Variants in EYS observed in about 807,000 individuals in gnomAD.
EYS encodes EGF-like photoreceptor maintenance factor.
A neutral mutation model predicts 282.1 loss-of-function variants in EYS; 250 were observed. The observed-to-expected ratio is 0.89, with a 90% CI of 0.80 to 0.98. The LOEUF is 0.98. Ranked by LOEUF, EYS falls within the 50% of genes least tolerant of loss-of-function variation. The pLI, the probability that EYS is intolerant of heterozygous loss-of-function variation, is 0.00. For synonymous variants in EYS, 1,355 were observed against 1,282.9 expected, an observed-to-expected ratio of 1.06 and a Z score of -1.20; for missense variants, 4,016 against 3,709.0, an observed-to-expected ratio of 1.08 and a Z score of -2.15.
At chr6:64,207,252 C>T (rs1271815423) in intron 31 of EYS, among the ~76,000 whole-genome samples, 1 of 151,800 alleles carries the variant, frequency 6.6e-6, no homozygotes, top group East Asian at 1.9e-4. Flanking sequence ...CTCCCAAGTT[C>T]GGTCCCCATT....
At chr6:64,552,049 C>T (rs974912527) in intron 26 of EYS, among the ~76,000 whole-genome samples, 9 of 152,110 alleles carry the variant, frequency 5.9e-5, no homozygotes, top group African/African-American at 2.2e-4. Flanking sequence ...AGATTACAGG[C>T]ATGAGCCACT....
At chr6:64,607,447 C>A (rs890996957) in intron 24 of EYS, among the ~76,000 whole-genome samples, 1 of 152,054 alleles carries the variant, frequency 6.6e-6, no homozygotes, top group African/African-American at 2.4e-5. Context: ...TTAGTGTCGG[C>A]TTTCTCACAG....
At chr6:64,393,469 G>T (rs1308101975) in intron 28 of EYS, among the ~76,000 whole-genome samples, 2 of 152,146 alleles carry the variant, frequency 1.3e-5, no homozygotes, top group Non-Finnish European at 2.9e-5. Context: ...ATGCAAGGCT[G>T]GTTCAACACA....
At chr6:63,893,089 A>G (rs1773449275) in intron 35 of EYS, among the ~76,000 whole-genome samples, 1 of 152,218 alleles carries the variant, frequency 6.6e-6, no homozygotes, top group Non-Finnish European at 1.5e-5. Context: ...CAGATATTGG[A>G]GAGGATGTGG....
At chr6:65,176,087 T>A (rs113278125) in intron 12 of EYS, among the ~76,000 whole-genome samples, 205 of 151,626 alleles carry the variant, frequency 1.4e-3, no homozygotes, top group Middle Eastern at 0.01. Flanking sequence ...TGTGTGTGTG[T>A]GAGAGAGAGC....
chr6:65,509,653 C>A lies in EYS; in HGVS notation c.-332-13660G>T, dbSNP rs1228230372. On this transcript the variant is annotated intron_variant, in intron 2 of 42. Transcript: ENST00000503581. ...TGACTTGCAAATATTTCCTAACAAT[C>A]TGTGGATTAAATTTTCATTTTCTGA... Among the ~76,000 whole-genome samples the A allele has an allele frequency of 2.6e-5, 4 of 152,148 alleles. No homozygotes were observed. The East Asian group carries it at 7.7e-4, about 29-fold the overall frequency.
chr6:64,817,703 A>G (rs1764779810), intron 21 of EYS, among the ~76,000 whole-genome samples: 1 of 151,982 alleles, frequency 6.6e-6, no homozygotes, highest in Non-Finnish European at 1.5e-5. Context: ...AACATATGGT[A>G]TTTGTTTTTC....
At chr6:64,542,358 A>G (rs1237044037) in intron 26 of EYS, among the ~76,000 whole-genome samples, 2 of 152,056 alleles carry the variant, frequency 1.3e-5, no homozygotes, top group Admixed American at 6.5e-5. Flanking sequence ...TGGAAGTTCT[A>G]TTATTACTAG....
At chr6:64,381,490 T>C (rs1476123992) in intron 29 of EYS, among the ~76,000 whole-genome samples, 1 of 152,220 alleles carries the variant, frequency 6.6e-6, no homozygotes, top group Admixed American at 6.5e-5. Flanking sequence ...TCTTCCATGT[T>C]ATTTTTTTGA....
intron 5 of EYS, among the ~76,000 whole-genome samples, chr6:65,475,752 G>GACACACACACACAC (rs199612356): frequency 6.9e-6 from 1 of 144,668 alleles, no homozygotes; most frequent in Non-Finnish European, 1.5e-5. Flanking sequence ...CAGACAGACA[G>GACACACACACACAC]ACAGACACAC....
In EYS at chr6:64,444,747, G is replaced by A. The variant is rs142366744; in HGVS notation, c.5645-5395C>T. 3.0e-3 allele frequency among the ~76,000 whole-genome samples: 452 copies of A among 152,258 alleles called. 3 individuals carry two copies. Among genetic ancestry groups the A allele is most frequent in the African/African-American group, 0.01 (422 of 41,536 alleles). The stretch of plus-strand genomic sequence containing the variant: ...AGTTGGAGCCAAGTGGAAGGTGTTT[G>A]GATCACTAGGGCTGATCATTCATGA... On this transcript the variant is annotated intron_variant, in intron 26 of 42. Transcript: ENST00000503581.
chr6:65,357,906 G>A (rs915456824), intron 8 of EYS, among the ~76,000 whole-genome samples: 1 of 151,912 alleles, frequency 6.6e-6, no homozygotes, highest in African/African-American at 2.4e-5. Context: ...ACAATTAAGT[G>A]AGTCAAACGT....
At chr6:64,957,263 C>G (rs1769741366) in intron 14 of EYS, among the ~76,000 whole-genome samples, 1 of 152,162 alleles carries the variant, frequency 6.6e-6, no homozygotes, top group African/African-American at 2.4e-5. Flanking sequence ...GAGATCCTGT[C>G]ATTTGCAACA....
chr6:65,463,323 C>A (rs537011168), intron 5 of EYS, among the ~76,000 whole-genome samples: 1 of 152,228 alleles, frequency 6.6e-6, no homozygotes, highest in East Asian at 1.9e-4. Context: ...CATTGCCTGA[C>A]ACCCCCAAAT....
chr6:64,343,548 A>G (rs1009592409), intron 29 of EYS, among the ~76,000 whole-genome samples: 7 of 152,120 alleles, frequency 4.6e-5, no homozygotes, highest in East Asian at 1.9e-4. Flanking sequence ...TCTGGGACAC[A>G]TTCAAAGCAG....
intron 15 of EYS, among the ~76,000 whole-genome samples, chr6:64,935,616 T>C (rs891847666): frequency 6.6e-6 from 1 of 151,080 alleles, no homozygotes; most frequent in African/African-American, 2.4e-5. Flanking sequence ...GAATCAGAAA[T>C]GAAAGAGAAG....
chr6:64,469,330 T>G (rs1238101838), intron 26 of EYS, among the ~76,000 whole-genome samples: 1 of 152,104 alleles, frequency 6.6e-6, no homozygotes, highest in African/African-American at 2.4e-5. Context: ...CACCAGCTGT[T>G]CCAGTATAAT....
intron 22 of EYS, among the ~76,000 whole-genome samples, chr6:64,764,625 T>C (rs992724108): frequency 3.3e-5 from 5 of 152,268 alleles, no homozygotes; most frequent in African/African-American, 1.2e-4. Context: ...TCTTTACTTA[T>C]GCAAATTTAT....
intron 33 of EYS, among the ~76,000 whole-genome samples, chr6:64,023,385 T>C (rs1360527991): frequency 2.0e-5 from 3 of 152,254 alleles, no homozygotes; most frequent in South Asian, 2.1e-4. Context: ...GGGGGTCATA[T>C]AGTAAATACG....
Sources: gnomAD v4.1 joint callset for allele counts (sites outside exome capture counted in the v4.1 genomes callset) on GRCh38, gnomAD v4.1.1 for gene constraint, MANE v1.5 for transcripts, NCBI Gene and HGNC (gene_info 2026-07-23, HGNC 2026-07-21) for gene names.